The following ERC2 variants were observed in gnomAD, a reference collection of about 807,000 sequenced individuals.
ERC2 encodes the protein ELKS/RAB6-interacting/CAST family member 2, also known as ERC protein 2.
A neutral mutation model predicts 114.8 loss-of-function variants in ERC2; 42 were observed. The observed-to-expected ratio is 0.37, with a 90% CI of 0.29 to 0.47. ERC2 has a LOEUF of 0.47. Among genes scored for constraint, ERC2 ranks in the 20% least tolerant of loss-of-function variants. The pLI is 0.99. For missense variants in ERC2, 939 were observed against 1,150.7 expected (o/e 0.82, Z 2.66); for synonymous variants, 454 against 425.5 (o/e 1.07, Z -0.82).
At chr3:55,656,716 G>A (rs1288004150) in intron 17 of ERC2, among the ~76,000 whole-genome samples, 1 of 152,146 alleles carries the variant, frequency 6.6e-6, no homozygotes, top group Admixed American at 6.5e-5. Flanking sequence ...GAAGTCACAG[G>A]GGAAACCAAG....
At chr3:55,932,241 TATA>T (rs1247866447) in intron 13 of ERC2, among the ~76,000 whole-genome samples, 4 of 152,188 alleles carry the variant, frequency 2.6e-5, no homozygotes, top group Non-Finnish European at 5.9e-5. Flanking sequence ...TCACTAAAAA[TATA>T]ATGCCTCTTT....
At chr3:56,445,599 C>T (rs985790274) in intron 1 of ERC2, among the ~76,000 whole-genome samples, 1 of 152,192 alleles carries the variant, frequency 6.6e-6, no homozygotes, top group Non-Finnish European at 1.5e-5. Flanking sequence ...TCCTATTGCT[C>T]TGTGGACAAA....
At chr3:55,897,670 A>G (rs1199452891) in intron 13 of ERC2, among the ~76,000 whole-genome samples, 1 of 152,234 alleles carries the variant, frequency 6.6e-6, no homozygotes, top group Non-Finnish European at 1.5e-5. Context: ...CCCCGTCAGC[A>G]GCAGCAACTC....
chr3:55,878,020 T>C (rs150325601), intron 14 of ERC2, among the ~76,000 whole-genome samples: 33 of 152,204 alleles, frequency 2.2e-4, no homozygotes, highest in African/African-American at 7.9e-4. Flanking sequence ...TTTTAGGAGG[T>C]TGGAAGGCCT....
chr3:55,661,602 C>A (rs1210587605), intron 17 of ERC2, among the ~76,000 whole-genome samples: 5 of 152,190 alleles, frequency 3.3e-5, no homozygotes, highest in Admixed American at 2.6e-4. Flanking sequence ...AGGATACTCT[C>A]TCTATTTTAA....
intron 15 of ERC2, among the ~76,000 whole-genome samples, chr3:55,707,360 G>C (rs894742157): frequency 1.3e-5 from 2 of 152,186 alleles, no homozygotes; most frequent in African/African-American, 4.8e-5. Flanking sequence ...GATCACCTGA[G>C]CACAGAAGGT....
At chr3:55,739,782 T>C (rs1223253090) in intron 14 of ERC2, among the ~76,000 whole-genome samples, 1 of 152,242 alleles carries the variant, frequency 6.6e-6, no homozygotes, top group Non-Finnish European at 1.5e-5. Flanking sequence ...TTGTCAATTT[T>C]GGCTTTTGTT....
intron 2 of ERC2, among the ~76,000 whole-genome samples, chr3:56,430,709 A>T (rs1055920199): frequency 1.3e-5 from 2 of 152,198 alleles, no homozygotes; most frequent in African/African-American, 4.8e-5. Flanking sequence ...GGAGCGATTG[A>T]GCCCAGGAGG....
At position 55,517,976 on chromosome 3, in the gene ERC2, T is replaced by A. The variant is rs185104903; in HGVS notation, c.*40-6700A>T. On this transcript the variant is annotated intron_variant, in intron 17 of 17. Transcript: ENST00000288221. ...AGGTCTTTGTCACTCTACTCCAAGG[T>A]TTCTCCATCTTGGTACTACGGCCAT... is the stretch of plus-strand genomic sequence containing the variant. Among the ~76,000 whole-genome samples the A allele has an allele frequency of 3.9e-5, 6 of 152,272 alleles. No homozygotes were observed. In the East Asian group the frequency reaches 1.2e-3, roughly 29 times the overall value.
chr3:56,419,769 A>G (rs2107213058), intron 2 of ERC2, among the ~76,000 whole-genome samples: 1 of 152,334 alleles, frequency 6.6e-6, no homozygotes, highest in South Asian at 2.1e-4. Context: ...TCGAGTTTGC[A>G]GTAGGGATGA....
intron 3 of ERC2, among the ~76,000 whole-genome samples, chr3:56,294,064 A>G (rs1202552613): frequency 6.6e-6 from 1 of 152,244 alleles, no homozygotes; most frequent in Admixed American, 6.5e-5. Context: ...TCCTCTATCA[A>G]CTGCAGTTTT....
chr3:56,055,832 G>A lies in ERC2; in HGVS notation c.1641+24985C>T, dbSNP rs558379182. 3.3e-5 allele frequency among the ~76,000 whole-genome samples: 5 copies of A among 152,322 alleles called. No homozygotes were observed. In the South Asian group the frequency reaches 1.0e-3, roughly 32 times the overall value. On this transcript the variant is annotated intron_variant, in intron 7 of 17. Coordinates refer to ENST00000288221, the MANE Select transcript of ERC2 (RefSeq NM_015576.3). ...CTGCACTTGCATGCCCTCATGCTGA[G>A]AATTGCCACATTGTGGTTGGTTCTG...
intron 13 of ERC2, among the ~76,000 whole-genome samples, chr3:55,926,403 GTTTTTTGT>G (rs2065749786): frequency 2.0e-5 from 1 of 51,238 alleles, no homozygotes; most frequent in Non-Finnish European, 3.6e-5. Context: ...CTTGTTTTTT[GTTTTTTGT>G]TTTTAAAAAA....
chr3:55,640,193 G>T (rs1412465845), intron 17 of ERC2, among the ~76,000 whole-genome samples: 1 of 152,174 alleles, frequency 6.6e-6, no homozygotes, highest in Non-Finnish European at 1.5e-5. Flanking sequence ...AACTAACTTG[G>T]ACTTCCTGCT....
chr3:56,144,878 T>A (rs1327630065), intron 5 of ERC2, among the ~76,000 whole-genome samples: 2 of 152,126 alleles, frequency 1.3e-5, no homozygotes, highest in African/African-American at 4.8e-5. Context: ...CATAAAAATA[T>A]CCCTTTTGCT....
intron 2 of ERC2, among the ~76,000 whole-genome samples, chr3:56,375,864 TC>T (rs1414907210): frequency 1.3e-5 from 2 of 152,210 alleles, no homozygotes; most frequent in Non-Finnish European, 2.9e-5. Flanking sequence ...TCTCTCTTGC[TC>T]AATCACTCTG....
At chr3:55,836,273 C>A (rs1156673982) in intron 14 of ERC2, among the ~76,000 whole-genome samples, 1 of 152,044 alleles carries the variant, frequency 6.6e-6, no homozygotes, top group East Asian at 1.9e-4. Flanking sequence ...CACATGGAAC[C>A]AAAAAACAGC....
At chr3:56,180,869 G>A (rs897939007) in intron 3 of ERC2, among the ~76,000 whole-genome samples, 4 of 152,168 alleles carry the variant, frequency 2.6e-5, no homozygotes, top group South Asian at 4.1e-4. Flanking sequence ...ACCCACAACC[G>A]TTCCCATCTC....
chr3:55,979,338 T>C (rs1410516880), intron 12 of ERC2, among the ~76,000 whole-genome samples: 2 of 152,218 alleles, frequency 1.3e-5, no homozygotes, highest in African/African-American at 4.8e-5. Context: ...GGTGGTTATG[T>C]TCTCAAAACC....
Sources: allele counts gnomAD v4.1 joint callset (sites outside exome capture counted in the v4.1 genomes callset), GRCh38; gene constraint gnomAD v4.1.1; transcripts MANE v1.5; gene names NCBI Gene and HGNC (gene_info 2026-07-23, HGNC 2026-07-21).